AGMO: variants seen among roughly 807,000 people sequenced by gnomAD.
AGMO encodes the protein alkylglycerol monooxygenase, also known as glyceryl-ether monooxygenase.
AGMO carries 75 observed loss-of-function variants against 60.2 expected under a neutral mutation model. The observed-to-expected ratio is 1.25, with a 90% CI of 1.03 to 1.51. The LOEUF (loss-of-function observed/expected upper bound fraction) is 1.51. Among genes scored for constraint, AGMO ranks in the 40% most tolerant of loss-of-function variants. AGMO has a pLI of 0.00. For missense variants in AGMO, 763 were observed against 525.5 expected (o/e 1.45, Z -4.42); for synonymous variants, 261 against 177.1 (o/e 1.47, Z -3.76).
In AGMO at chr7:15,409,494, G is replaced by A. The variant is rs566441244; in HGVS notation, c.609+9064C>T. ...CGTTCTTAGCCTTAAAAGGAATGGGGTTTGATCACAGAGTTTGATGAATAT... is the reference window on the plus strand; with the variant it reads ...CGTTCTTAGCCTTAAAAGGAATGGGATTTGATCACAGAGTTTGATGAATAT... On this transcript the variant is annotated intron_variant, in intron 5 of 12. Coordinates refer to ENST00000342526, the MANE Select transcript of AGMO (RefSeq NM_001004320.2). Among the ~76,000 whole-genome samples, 12 of 151,942 alleles carry A rather than the reference G, an allele frequency of 7.9e-5. No individual in the cohort carries two copies. In the East Asian group the frequency reaches 2.3e-3, roughly 29 times the overall value.
At chr7:15,403,747 T>C (rs1339970870) in intron 5 of AGMO, among the ~76,000 whole-genome samples, 1 of 151,990 alleles carries the variant, frequency 6.6e-6, no homozygotes, top group African/African-American at 2.4e-5. Context: ...ATTTATATTA[T>C]TGAGCATCTG....
At chr7:15,332,897 G>GCA (rs945825878) in intron 12 of AGMO, among the ~76,000 whole-genome samples, 2 of 151,836 alleles carry the variant, frequency 1.3e-5, no homozygotes, top group African/African-American at 4.8e-5. Flanking sequence ...TCAGTATATT[G>GCA]CATTATGGTA....
intron 12 of AGMO, among the ~76,000 whole-genome samples, chr7:15,271,946 G>C (rs1043898764): frequency 6.6e-6 from 1 of 151,958 alleles, no homozygotes; most frequent in Non-Finnish European, 1.5e-5. Flanking sequence ...GTTTCTAATT[G>C]AGTTTATGCA....
At chr7:15,284,860 C>T (rs772967530) in intron 12 of AGMO, among the ~76,000 whole-genome samples, 5 of 152,008 alleles carry the variant, frequency 3.3e-5, no homozygotes, top group Non-Finnish European at 5.9e-5. Context: ...TCCAACAACA[C>T]ATCAAAAAGA....
chr7:15,415,938 CAGAGT>C (rs1160961812), intron 5 of AGMO, among the ~76,000 whole-genome samples: 2 of 151,130 alleles, frequency 1.3e-5, no homozygotes, highest in East Asian at 1.9e-4. Flanking sequence ...AATTAAGCAA[CAGAGT>C]AGAGTTTCAA....
At chr7:15,500,100 T>G (rs976374299) in intron 3 of AGMO, among the ~76,000 whole-genome samples, 2 of 151,910 alleles carry the variant, frequency 1.3e-5, no homozygotes, top group Non-Finnish European at 3.0e-5. Flanking sequence ...ACAGTTTTGG[T>G]TTTGGATGCA....
At chr7:15,161,622 C>A in the AGMO span, among the ~76,000 whole-genome samples, 1 of 122,168 alleles carries the variant, frequency 8.2e-6, no homozygotes, top group Non-Finnish European at 1.8e-5. Context: ...CCATATATAT[C>A]CCTATATTCA....
chr7:15,371,037 G>T (rs1308146839), intron 10 of AGMO, among the ~76,000 whole-genome samples: 1 of 152,078 alleles, frequency 6.6e-6, no homozygotes, highest in African/African-American at 2.4e-5. Context: ...TTCAGTAAGT[G>T]GTAGAGGGAT....
chr7:15,218,783 T>C (rs928663898), intron 12 of AGMO, among the ~76,000 whole-genome samples: 9 of 152,042 alleles, frequency 5.9e-5, no homozygotes, highest in African/African-American at 1.4e-4. Context: ...ACTAACTCAG[T>C]TGAAGCATGG....
At chr7:15,189,694 T>C in the AGMO span, among the ~76,000 whole-genome samples, 1,124 of 152,164 alleles carry the variant, frequency 7.4e-3, 15 homozygotes, top group African/African-American at 0.024. Context: ...ATTTCAGTTA[T>C]GAAAATATCT....
intron 10 of AGMO, among the ~76,000 whole-genome samples, chr7:15,371,715 T>A (rs1191258090): frequency 3.3e-5 from 1 of 30,522 alleles, no homozygotes; most frequent in Admixed American, 3.1e-4. Context: ...GATTTTTGTA[T>A]TTTTTTTTGT....
At chr7:15,315,155 G>A (rs944148399) in intron 12 of AGMO, among the ~76,000 whole-genome samples, 4 of 151,968 alleles carry the variant, frequency 2.6e-5, no homozygotes, top group South Asian at 2.1e-4. Context: ...CAAGCTTGAC[G>A]TACAAAGACT....
At chr7:15,237,132 G>A (rs1782446614) in intron 12 of AGMO, among the ~76,000 whole-genome samples, 1 of 152,042 alleles carries the variant, frequency 6.6e-6, no homozygotes, top group Non-Finnish European at 1.5e-5. Context: ...ATTTTGCTGT[G>A]CAGCTCCGTA....
At chr7:15,439,273 T>C (rs1314692288) in intron 3 of AGMO, among the ~76,000 whole-genome samples, 1 of 152,174 alleles carries the variant, frequency 6.6e-6, no homozygotes, top group Non-Finnish European at 1.5e-5. Flanking sequence ...GGTGCACACC[T>C]GTAGTCCCAG....
At chr7:15,172,363 C>T in the AGMO span, among the ~76,000 whole-genome samples, 1 of 152,122 alleles carries the variant, frequency 6.6e-6, no homozygotes, top group Non-Finnish European at 1.5e-5. Flanking sequence ...TCTTCCAGAG[C>T]CATCACTGGG....
intron 3 of AGMO, among the ~76,000 whole-genome samples, chr7:15,475,058 A>G (rs547746914): frequency 4.6e-5 from 7 of 152,216 alleles, no homozygotes; most frequent in African/African-American, 1.7e-4. Flanking sequence ...GCTGGAGAGG[A>G]TGTAGAGAAA....
chr7:15,120,278 T>A, the AGMO span, among the ~76,000 whole-genome samples: 4 of 152,130 alleles, frequency 2.6e-5, no homozygotes, highest in African/African-American at 4.8e-5. Context: ...CCAGTGATGT[T>A]CAAACTGATA....
At chr7:15,285,522 G>A (rs993105966) in intron 12 of AGMO, among the ~76,000 whole-genome samples, 2 of 152,026 alleles carry the variant, frequency 1.3e-5, no homozygotes, top group Non-Finnish European at 2.9e-5. Context: ...ACAAGGAGGT[G>A]AAAGATCTCT....
At chr7:15,198,269 G>C (rs371626713), downstream of AGMO, among the ~76,000 whole-genome samples, 139 of 111,240 alleles carry the variant, frequency 1.2e-3, 5 homozygotes, top group Non-Finnish European at 1.5e-3. Context: ...GAGACAGAGA[G>C]AGAGTGTGTT....
Sources: allele counts gnomAD v4.1 joint callset (sites outside exome capture counted in the v4.1 genomes callset), GRCh38; gene constraint gnomAD v4.1.1; transcripts MANE v1.5; gene names NCBI Gene and HGNC (gene_info 2026-07-23, HGNC 2026-07-21).